The following ASAP2 variants were observed in gnomAD, a reference collection of about 807,000 sequenced individuals.
The protein encoded by ASAP2 is ArfGAP with SH3 domain, ankyrin repeat and PH domain 2, also known as arf-GAP with SH3 domain, ANK repeat and PH domain-containing protein 2.
Under a neutral mutation model 131.4 loss-of-function variants are expected in ASAP2, and 45 were observed. That is an observed-to-expected ratio of 0.34 (90% CI 0.27 to 0.44). ASAP2 has a LOEUF of 0.44. ASAP2 is among the 20% of genes least tolerant of loss of function. The pLI is 1.00. For missense variants in ASAP2, 1,011 were observed against 1,297.0 expected, an observed-to-expected ratio of 0.78 and a Z score of 3.39; for synonymous variants, 510 against 503.0, an observed-to-expected ratio of 1.01 and a Z score of -0.19.
At chr2:9,380,872 CT>C in intron 20 of ASAP2, 64 bp downstream of exon 20, 1 of 1,533,300 alleles carries the variant, frequency 6.5e-7, no homozygotes, top group Non-Finnish European at 9.0e-7. Flanking sequence ...CAAGCCTGTC[CT>C]CCTTGGGCAG....
chr2:9,388,265 C>T (rs1356817134), intron 21 of ASAP2, 29 bp from the exon 22 acceptor site: 1 of 1,610,036 alleles, frequency 6.2e-7, no homozygotes, highest in African/African-American at 1.3e-5. Context: ...ATTTGTCTCA[C>T]ACGCCTCTGC....
At chr2:9,265,628 A>G (rs1308364519) in intron 1 of ASAP2, among the ~76,000 whole-genome samples, 1 of 152,216 alleles carries the variant, frequency 6.6e-6, no homozygotes, top group Non-Finnish European at 1.5e-5. Context: ...TTCTTTCTGT[A>G]TCTTTATATA....
chr2:9,233,219 T>C (rs1315067096), intron 1 of ASAP2, among the ~76,000 whole-genome samples: 1 of 152,222 alleles, frequency 6.6e-6, no homozygotes, highest in East Asian at 1.9e-4. Flanking sequence ...ACAATTATAA[T>C]GAAGGCTGGT....
chr2:9,305,274 G>A lies in ASAP2; in HGVS notation c.345+7829G>A, dbSNP rs369088120. Among the ~76,000 whole-genome samples the A allele has an allele frequency of 8.8e-4, 133 of 151,804 alleles. No individual in the cohort carries two copies. The South Asian group carries it at 0.027, about 30-fold the overall frequency. On this transcript the variant is annotated intron_variant, in intron 3 of 27. Coordinates refer to ENST00000281419, the MANE Select transcript of ASAP2 (RefSeq NM_003887.3). ...TATTGGTGGAGGGGCTGTAATAGTG[G>A]GGTATAGATGTTGGTGTAGAGGCTG... is the stretch of plus-strand genomic sequence containing the variant.
intron 24 of ASAP2, among the ~76,000 whole-genome samples, chr2:9,394,269 A>G (rs10166341): frequency 0.095 from 13,612 of 142,846 alleles, 630 homozygotes; most frequent in Non-Finnish European, 0.1. Flanking sequence ...GGTTCTTGCC[A>G]TTCTCCTGCC....
At chr2:9,345,771 G>T (rs1337052335) in intron 11 of ASAP2, among the ~76,000 whole-genome samples, 1 of 152,158 alleles carries the variant, frequency 6.6e-6, no homozygotes, top group Non-Finnish European at 1.5e-5. Context: ...GGAGCTCAGA[G>T]GGGCTTTTCT....
At chr2:9,212,740 C>G (rs1453535100) in intron 1 of ASAP2, among the ~76,000 whole-genome samples, 1 of 152,194 alleles carries the variant, frequency 6.6e-6, no homozygotes. Context: ...TACTCAGTAG[C>G]CACACGTGGC....
At chr2:9,230,867 A>G (rs1052654858) in intron 1 of ASAP2, among the ~76,000 whole-genome samples, 2 of 152,226 alleles carry the variant, frequency 1.3e-5, no homozygotes, top group Non-Finnish European at 2.9e-5. Context: ...AACAAAGCCC[A>G]GAGATGGGGT....
intron 1 of ASAP2, among the ~76,000 whole-genome samples, chr2:9,274,411 C>A (rs1666615908): frequency 1.4e-5 from 2 of 141,738 alleles, no homozygotes; most frequent in Admixed American, 1.5e-4. Context: ...CAACCTTTGT[C>A]CCCCAGGTTC....
intron 15 of ASAP2, among the ~76,000 whole-genome samples, chr2:9,367,066 T>C (rs965193809): frequency 2.7e-5 from 4 of 148,658 alleles, no homozygotes; most frequent in Non-Finnish European, 5.9e-5. Flanking sequence ...AGTCTCACTC[T>C]GTCGCCCAGG....
intron 15 of ASAP2, among the ~76,000 whole-genome samples, 173 bp downstream of exon 15, chr2:9,359,062 G>A (rs1213487655): frequency 6.6e-6 from 1 of 152,192 alleles, no homozygotes; most frequent in South Asian, 2.1e-4. Flanking sequence ...TTGTGGTTGA[G>A]GGCACTTCTT....
Position 9,223,069 on chromosome 2 carries a change from G to C in ASAP2, c.126+15839G>C, listed in dbSNP as rs576862169. Reference sequence around the variant, plus strand: ...TGGGATTTTAGGCAGAGGCCTTCCTGCATCTCTCAAGTCACACTTGCAAGC... The same window carrying C: ...TGGGATTTTAGGCAGAGGCCTTCCTCCATCTCTCAAGTCACACTTGCAAGC... On this transcript the variant is annotated intron_variant, in intron 1 of 27. Coordinates refer to ENST00000281419, the MANE Select transcript of ASAP2 (RefSeq NM_003887.3). Among the ~76,000 whole-genome samples the C allele has an allele frequency of 5.3e-5, 8 of 152,310 alleles. No homozygotes were observed. The South Asian group carries it at 1.7e-3, about 32-fold the overall frequency.
chr2:9,317,624 CCACA>C (rs374814644), intron 3 of ASAP2, among the ~76,000 whole-genome samples: 1 of 149,976 alleles, frequency 6.7e-6, no homozygotes, highest in Non-Finnish European at 1.5e-5. Context: ...ACAATCACAC[CCACA>C]CACACCCATA....
At chr2:9,251,204 G>A (rs1157828544) in intron 1 of ASAP2, among the ~76,000 whole-genome samples, 1 of 152,224 alleles carries the variant, frequency 6.6e-6, no homozygotes, top group Non-Finnish European at 1.5e-5. Flanking sequence ...GTCACATCAG[G>A]AGTTTAGTCC....
intron 3 of ASAP2, among the ~76,000 whole-genome samples, chr2:9,302,619 C>T (rs980553246): frequency 6.6e-6 from 1 of 152,060 alleles, no homozygotes; most frequent in Admixed American, 6.6e-5. Flanking sequence ...GGATTATAGG[C>T]GCGAGCCACC....
At chr2:9,397,436 C>T (rs2148817151) in intron 24 of ASAP2, among the ~76,000 whole-genome samples, 1 of 152,224 alleles carries the variant, frequency 6.6e-6, no homozygotes, top group Non-Finnish European at 1.5e-5. Flanking sequence ...GTTAGGGCTA[C>T]CCGGGACAGA....
rs35913703 is a variant in ASAP2 at position 9,270,785 on chromosome 2, A to ATTTTTTTTTTTTTTTTTTTTTTTTTT, written c.127-8507_127-8506insTTTTTTTTTTTTTTTTTTTTTTTTTT. 2.3e-4 allele frequency among the ~76,000 whole-genome samples: 12 copies of ATTTTTTTTTTTTTTTTTTTTTTTTTT among 52,928 alleles called. 2 individuals carry two copies. Among genetic ancestry groups the ATTTTTTTTTTTTTTTTTTTTTTTTTT allele is most frequent in the Non-Finnish European group, 2.8e-4 (8 of 28,776 alleles). 34.7% of individuals were successfully genotyped at this position (52,928 alleles called of 152,430 possible). ...AGTCTCCATGAGTTCAATTGTTTTCATTTTTTTTTTTTTTTTTTTTTTTTT... is the reference window on the plus strand; with the variant it reads ...AGTCTCCATGAGTTCAATTGTTTTCATTTTTTTTTTTTTTTTTTTTTTTTTTTTTTTTTTTTTTTTTTTTTTTTTTT... On this transcript the variant is annotated intron_variant, in intron 1 of 27. Coordinates refer to ENST00000281419, the MANE Select transcript of ASAP2 (RefSeq NM_003887.3).
chr2:9,371,919 A>G (rs1046428775), intron 16 of ASAP2, among the ~76,000 whole-genome samples: 1 of 152,144 alleles, frequency 6.6e-6, no homozygotes, highest in African/African-American at 2.4e-5. Context: ...GATCGAGACC[A>G]TCCTGGCTAA....
At chr2:9,257,970 G>A (rs1434356719) in intron 1 of ASAP2, among the ~76,000 whole-genome samples, 1 of 152,172 alleles carries the variant, frequency 6.6e-6, no homozygotes, top group East Asian at 1.9e-4. Context: ...TGCCCAGGTT[G>A]GAGAGTCATG....
Sources: gnomAD v4.1 joint callset for allele counts (sites outside exome capture counted in the v4.1 genomes callset) on GRCh38, gnomAD v4.1.1 for gene constraint, MANE v1.5 for transcripts, NCBI Gene and HGNC (gene_info 2026-07-23, HGNC 2026-07-21) for gene names.